NAALADL2: variants seen among roughly 807,000 people sequenced by gnomAD.
The protein encoded by NAALADL2 is N-acetylated alpha-linked acidic dipeptidase like 2, also known as inactive N-acetylated-alpha-linked acidic dipeptidase-like protein 2.
Under a neutral mutation model 87.2 loss-of-function variants are expected in NAALADL2, and 76 were observed. The ratio of observed to expected loss-of-function variants is 0.87; its 90% confidence interval spans 0.72 to 1.05. NAALADL2 has a LOEUF of 1.05. Ranked by LOEUF, NAALADL2 falls within the 50% of genes least tolerant of loss-of-function variation. The pLI is 0.00. For synonymous variants in NAALADL2, 354 were observed against 331.0 expected (o/e 1.07, Z -0.75); for missense variants, 1,089 against 945.8 (o/e 1.15, Z -1.99).
intron 2 of NAALADL2, among the ~76,000 whole-genome samples, chr3:174,668,330 T>C (rs1276601336): frequency 1.3e-5 from 2 of 152,170 alleles, no homozygotes; most frequent in Non-Finnish European, 2.9e-5. Context: ...CCCTTGATTA[T>C]GTCCTTCAAT....
Position 175,163,950 on chromosome 3 carries a change from T to C in NAALADL2, c.545+66659T>C, listed in dbSNP as rs1733608457. 1.3e-5 allele frequency among the ~76,000 whole-genome samples: 2 copies of C among 152,328 alleles called. 1 individual carries two copies. Among genetic ancestry groups the C allele is most frequent in the South Asian group, 4.1e-4 (2 of 4,830 alleles). ...TGCAGAAATTTGAATGTGAAACAGG[T>C]TCTGATCTTGGCATTTTGCCGGGAA... is the stretch of plus-strand genomic sequence containing the variant. On this transcript the variant is annotated intron_variant, in intron 2 of 13. Transcript: ENST00000454872.
chr3:175,652,597 G>C (rs1730925284), intron 11 of NAALADL2, among the ~76,000 whole-genome samples: 1 of 150,546 alleles, frequency 6.6e-6, no homozygotes, highest in Non-Finnish European at 1.5e-5. Context: ...TCCTGCCTCA[G>C]CCTCCCGAGT....
At chr3:175,001,835 A>G (rs1348232326) in intron 1 of NAALADL2, among the ~76,000 whole-genome samples, 1 of 152,120 alleles carries the variant, frequency 6.6e-6, no homozygotes, top group Non-Finnish European at 1.5e-5. Flanking sequence ...TTTTAGTGCC[A>G]ATCTGATGCC....
At chr3:175,015,048 A>G (rs1219088784) in intron 1 of NAALADL2, among the ~76,000 whole-genome samples, 1 of 151,836 alleles carries the variant, frequency 6.6e-6, no homozygotes, top group African/African-American at 2.4e-5. Flanking sequence ...AGCTAACATT[A>G]TGTGGGATTA....
At chr3:174,556,353 G>T (rs1324450470) in intron 2 of NAALADL2, among the ~76,000 whole-genome samples, 1 of 152,034 alleles carries the variant, frequency 6.6e-6, no homozygotes, top group Non-Finnish European at 1.5e-5. Context: ...TCTTTAGCAA[G>T]TATGTGTAGC....
At position 174,980,387 on chromosome 3, in the gene NAALADL2, C is replaced by T. The variant is rs369831426; in HGVS notation, c.44-116403C>T. Among the ~76,000 whole-genome samples the T allele has an allele frequency of 8.5e-5, 13 of 152,236 alleles. No individual in the cohort carries two copies. The East Asian group carries it at 1.5e-3, about 18-fold the overall frequency. On this transcript the variant is annotated intron_variant, in intron 1 of 13. Coordinates refer to ENST00000454872, the MANE Select transcript of NAALADL2 (RefSeq NM_207015.3). Reference sequence around the variant, plus strand: ...GAGTGGTATGCCCCTATAGTCCCAGCTGCTGCAGAGGCTGAGCCAGGAAGA... The same window carrying T: ...GAGTGGTATGCCCCTATAGTCCCAGTTGCTGCAGAGGCTGAGCCAGGAAGA...
At chr3:175,135,350 T>C (rs1050382822) in intron 2 of NAALADL2, among the ~76,000 whole-genome samples, 3 of 152,308 alleles carry the variant, frequency 2.0e-5, no homozygotes, top group East Asian at 1.9e-4. Context: ...CATATATTTC[T>C]TCATACGGTA....
intron 1 of NAALADL2, among the ~76,000 whole-genome samples, chr3:174,928,165 A>G (rs570041010): frequency 6.6e-6 from 1 of 152,340 alleles, no homozygotes; most frequent in South Asian, 2.1e-4. Context: ...TTCACCATGT[A>G]CATTTAACAA....
chr3:175,010,839 T>C (rs1436649382), intron 1 of NAALADL2, among the ~76,000 whole-genome samples: 1 of 152,142 alleles, frequency 6.6e-6, no homozygotes, highest in Non-Finnish European at 1.5e-5. Flanking sequence ...TTCATAGCTC[T>C]CAGACAGTTC....
At chr3:175,259,141 G>A (rs1351181983) in intron 4 of NAALADL2, among the ~76,000 whole-genome samples, 2 of 152,136 alleles carry the variant, frequency 1.3e-5, no homozygotes, top group Non-Finnish European at 2.9e-5. Context: ...AGAACGTGTG[G>A]AGCTTCCATA....
chr3:174,752,679 C>T (rs1734955493), intron 3 of NAALADL2, among the ~76,000 whole-genome samples: 1 of 151,714 alleles, frequency 6.6e-6, no homozygotes, highest in Non-Finnish European at 1.5e-5. Context: ...TGTAATATCC[C>T]ATTCCTTTTC....
At chr3:175,056,794 C>T (rs1184810514) in intron 1 of NAALADL2, among the ~76,000 whole-genome samples, 4 of 152,312 alleles carry the variant, frequency 2.6e-5, no homozygotes, top group South Asian at 2.1e-4. Flanking sequence ...GGAGCATATC[C>T]TTAAGGCACA....
chr3:174,604,165 A>G (rs1464456189), intron 2 of NAALADL2, among the ~76,000 whole-genome samples: 1 of 152,126 alleles, frequency 6.6e-6, no homozygotes, highest in East Asian at 1.9e-4. Flanking sequence ...AGATGTGCTG[A>G]TAGTGGGATG....
At chr3:174,718,623 G>A (rs1203230634) in intron 2 of NAALADL2, among the ~76,000 whole-genome samples, 1 of 152,132 alleles carries the variant, frequency 6.6e-6, no homozygotes, top group Non-Finnish European at 1.5e-5. Flanking sequence ...TACTTAACAA[G>A]ATAAGGAAAC....
At chr3:174,759,865 T>C (rs1712679544) in intron 3 of NAALADL2, among the ~76,000 whole-genome samples, 1 of 152,068 alleles carries the variant, frequency 6.6e-6, no homozygotes, top group Non-Finnish European at 1.5e-5. Flanking sequence ...CACACCCAGC[T>C]AATTTTTGTA....
chr3:175,656,489 A>C (rs998845248), intron 11 of NAALADL2, among the ~76,000 whole-genome samples: 6 of 152,166 alleles, frequency 3.9e-5, no homozygotes, highest in Admixed American at 3.9e-4. Flanking sequence ...AATTTTTCTA[A>C]TCTCTCAATT....
At chr3:174,856,589 A>G (rs1047661773), upstream of NAALADL2, among the ~76,000 whole-genome samples, 1 of 152,130 alleles carries the variant, frequency 6.6e-6, no homozygotes, top group Non-Finnish European at 1.5e-5. Flanking sequence ...AATTTGGTGC[A>G]TGTTTTCAAC....
chr3:174,532,255 C>T (rs1334150563), intron 1 of NAALADL2, among the ~76,000 whole-genome samples: 1 of 152,066 alleles, frequency 6.6e-6, no homozygotes, highest in Non-Finnish European at 1.5e-5. Context: ...CAGACATGAG[C>T]ACCTGTAACT....
intron 6 of NAALADL2, among the ~76,000 whole-genome samples, chr3:175,462,241 C>T (rs1723253380): frequency 6.6e-6 from 1 of 152,086 alleles, no homozygotes; most frequent in East Asian, 1.9e-4. Context: ...CTAAAATGCT[C>T]TAAGAAACAA....
Sources: allele counts gnomAD v4.1 joint callset (sites outside exome capture counted in the v4.1 genomes callset), GRCh38; gene constraint gnomAD v4.1.1; transcripts MANE v1.5; gene names NCBI Gene and HGNC (gene_info 2026-07-23, HGNC 2026-07-21).